The following AKAP6 variants were observed in gnomAD, a reference collection of about 807,000 sequenced individuals.
The protein encoded by AKAP6 is A-kinase anchoring protein 6, also known as A-kinase anchor protein 6.
Under a neutral mutation model 188.5 loss-of-function variants are expected in AKAP6, and 58 were observed. That is an observed-to-expected ratio of 0.31 (90% CI 0.25 to 0.38). AKAP6 has a LOEUF of 0.38. Ranked by LOEUF, AKAP6 falls within the 10% of genes least tolerant of loss-of-function variation. The probability of loss-of-function intolerance (pLI) is 1.00; values close to 1 mark genes in which losing one functional copy is unlikely to be tolerated. For synonymous variants in AKAP6, 989 were observed against 998.6 expected (o/e 0.99, Z 0.18); for missense variants, 2,710 against 2,740.0 (o/e 0.99, Z 0.24).
rs2034632028 is a variant in AKAP6, at chr14:32,824,731, T to C, written c.6918T>C (p.Leu2306=). ...AAACTTTAACCTGTGAAGAAAATCT[T>C]CTAAACCTTCATGAAAAACGACATA... ...SPKTLTCEEN[L]LNLHEKRHRN... Residue 2306 remains leucine (L), a synonymous_variant, in exon 13 of 14, where the codon CTT becomes CTC. Coordinates refer to ENST00000280979, the MANE Select transcript of AKAP6 (RefSeq NM_004274.5). The C allele has an allele frequency of 1.2e-6, 2 of 1,612,710 alleles. No individual in the cohort carries two copies. Among genetic ancestry groups the C allele is most frequent in the Non-Finnish European group, 1.7e-6 (2 of 1,179,606 alleles).
chr14:32,381,891 C>T (rs748382357), intron 1 of AKAP6, among the ~76,000 whole-genome samples: 10 of 152,144 alleles, frequency 6.6e-5, no homozygotes, highest in Non-Finnish European at 1.3e-4. Context: ...TCCTCAAACC[C>T]TCACCTGCCT....
chr14:32,388,984 T>C (rs1888621283), intron 1 of AKAP6, among the ~76,000 whole-genome samples: 1 of 152,154 alleles, frequency 6.6e-6, no homozygotes, highest in African/African-American at 2.4e-5. Context: ...TGTTGCTGTC[T>C]ATCTCATTTC....
chr14:32,544,277 T>C (rs1268791219), intron 3 of AKAP6, among the ~76,000 whole-genome samples: 1 of 152,224 alleles, frequency 6.6e-6, no homozygotes, highest in African/African-American at 2.4e-5. Flanking sequence ...GATCAGTCTG[T>C]TATTTAGCCA....
chr14:32,336,411 T>A (rs1417189942), intron 1 of AKAP6, among the ~76,000 whole-genome samples: 1 of 152,160 alleles, frequency 6.6e-6, no homozygotes, highest in African/African-American at 2.4e-5. Flanking sequence ...CTGTTTCAGA[T>A]AATTTCACCA....
intron 9 of AKAP6, 97 bp downstream of exon 9, chr14:32,696,207 A>T (rs192648376): frequency 1.1e-5 from 16 of 1,449,004 alleles, no homozygotes; most frequent in African/African-American, 2.9e-5. Flanking sequence ...CGTTCATTGT[A>T]TGTATCATGG....
chr14:32,525,822 A>G (rs1464736599), intron 2 of AKAP6, among the ~76,000 whole-genome samples: 2 of 152,194 alleles, frequency 1.3e-5, no homozygotes, highest in African/African-American at 4.8e-5. Context: ...CAAGACAAAT[A>G]AGACACATTT....
intron 2 of AKAP6, among the ~76,000 whole-genome samples, chr14:32,465,707 G>T (rs1001770012): frequency 1.3e-5 from 2 of 152,134 alleles, no homozygotes; most frequent in African/African-American, 4.8e-5. Flanking sequence ...AAAAGCAATT[G>T]CAACAAAAGC....
chr14:32,735,348 C>A (rs117038069), intron 10 of AKAP6, among the ~76,000 whole-genome samples: 1 of 151,958 alleles, frequency 6.6e-6, no homozygotes, highest in African/African-American at 2.4e-5. Context: ...TTTTATCTTG[C>A]GAACTATGGG....
chr14:32,516,262 G>A (rs774182102), intron 2 of AKAP6, among the ~76,000 whole-genome samples: 2 of 152,210 alleles, frequency 1.3e-5, no homozygotes, highest in Non-Finnish European at 2.9e-5. Context: ...TCCCTCTTTG[G>A]AGGAGAATTA....
chr14:32,627,808 A>G (rs1367212909), intron 7 of AKAP6, among the ~76,000 whole-genome samples: 2 of 152,122 alleles, frequency 1.3e-5, no homozygotes, highest in Non-Finnish European at 2.9e-5. Flanking sequence ...AGAAAGCCAC[A>G]TTTAACTTCC....
At chr14:32,541,234 C>A (rs1022755391) in intron 3 of AKAP6, among the ~76,000 whole-genome samples, 2 of 151,750 alleles carry the variant, frequency 1.3e-5, no homozygotes, top group Non-Finnish European at 2.9e-5. Context: ...TTGAGTATGG[C>A]GTTTTCTTTT....
intron 9 of AKAP6, among the ~76,000 whole-genome samples, chr14:32,711,844 G>A (rs1029700499): frequency 4.0e-5 from 6 of 151,872 alleles, no homozygotes; most frequent in Admixed American, 6.6e-5. Flanking sequence ...GATTCCCCTC[G>A]GGCAATTATT....
intron 2 of AKAP6, among the ~76,000 whole-genome samples, chr14:32,443,569 G>A (rs2138746529): frequency 6.6e-6 from 1 of 152,306 alleles, no homozygotes; most frequent in Admixed American, 6.5e-5. Flanking sequence ...CCTGGAAGGA[G>A]ATGCTTCAGA....
intron 9 of AKAP6, among the ~76,000 whole-genome samples, chr14:32,702,675 G>A (rs1007778774): frequency 6.6e-5 from 10 of 152,164 alleles, no homozygotes; most frequent in African/African-American, 1.9e-4. Flanking sequence ...GCTACTGTCC[G>A]GAAGGTGCGT....
Position 32,588,784 on chromosome 14 carries a change from T to TA in AKAP6, c.2470-10619dup, listed in dbSNP as rs1247659950. Among the ~76,000 whole-genome samples, 3 of 152,282 alleles carry TA rather than the reference T, an allele frequency of 2.0e-5. No homozygotes were observed. In the East Asian group the frequency reaches 5.8e-4, roughly 29 times the overall value. Reference sequence around the variant, plus strand: ...AGATTCAATTTAATTATGAAGTGTCTAAAAAAATTCTCAAAGATATATGCA... The same window carrying TA: ...AGATTCAATTTAATTATGAAGTGTCTAAAAAAAATTCTCAAAGATATATGCA... On this transcript the variant is annotated intron_variant, in intron 5 of 13. Transcript: ENST00000280979.
intron 7 of AKAP6, among the ~76,000 whole-genome samples, chr14:32,622,619 A>G (rs571500427): frequency 1.3e-5 from 2 of 152,274 alleles, no homozygotes; most frequent in Admixed American, 6.5e-5. Flanking sequence ...GATGAAATAT[A>G]TGAAATTATC....
chr14:32,508,723 A>G (rs1184454704), intron 2 of AKAP6, among the ~76,000 whole-genome samples: 1 of 152,244 alleles, frequency 6.6e-6, no homozygotes, highest in Non-Finnish European at 1.5e-5. Flanking sequence ...AGAAAAACAC[A>G]AATATAGAAT....
In AKAP6 at chr14:32,822,221, T is replaced by C; in HGVS notation, c.4408T>C (p.Tyr1470His). 1 of 1,613,936 alleles carries C rather than the reference T, an allele frequency of 6.2e-7. No homozygotes were observed. Among genetic ancestry groups the C allele is most frequent in the South Asian group, 1.1e-5 (1 of 91,084 alleles). ...GKHDVFTFYDYSYLQGSKLKL... is the reference protein window; with the variant it reads ...GKHDVFTFYDHSYLQGSKLKL... Reference sequence around the variant, plus strand: ...ACATGATGTGTTTACATTTTATGATTACTCATACCTCCAAGGCTCAAAACT... The same window carrying C: ...ACATGATGTGTTTACATTTTATGATCACTCATACCTCCAAGGCTCAAAACT... The change falls in exon 13 of 14, where the codon TAC (tyrosine) becomes CAC (histidine). Residue 1470 changes from tyrosine (Y) to histidine (H), a missense_variant. Transcript: ENST00000280979.
rs201725531 is a variant in AKAP6 at position 32,600,613 on chromosome 14, C to T, written c.2567-16C>T. ...TTCAGGCCCACAACTTCTGCTTTCC[C>T]CTCCTTTTGGAGAAGGACTGAAGGA... On this transcript the variant is annotated splice_polypyrimidine_tract_variant and intron_variant, in intron 6 of 13. Transcript: ENST00000280979. The T allele has an allele frequency of 5.0e-4, 796 of 1,587,248 alleles. 9 individuals carry two copies. The South Asian group carries it at 8.7e-3, about 17-fold the overall frequency.
Sources: allele counts gnomAD v4.1 joint callset (sites outside exome capture counted in the v4.1 genomes callset), GRCh38; gene constraint gnomAD v4.1.1; transcripts MANE v1.5; gene names NCBI Gene and HGNC (gene_info 2026-07-23, HGNC 2026-07-21).